The following PALS2 variants were observed in gnomAD, a reference collection of about 807,000 sequenced individuals.
PALS2 encodes protein associated with LIN7 2, MAGUK p55 family member.
PALS2 carries 27 observed loss-of-function variants against 61.6 expected under a neutral mutation model. The observed-to-expected ratio is 0.44, with a 90% CI of 0.32 to 0.60. PALS2 has a LOEUF of 0.60. PALS2 is among the 20% of genes least tolerant of loss of function. The pLI is 0.05. For missense variants in PALS2, 554 were observed against 639.4 expected, an observed-to-expected ratio of 0.87 and a Z score of 1.44; for synonymous variants, 236 against 218.6, an observed-to-expected ratio of 1.08 and a Z score of -0.70.
At chr7:24,626,439 A>T (rs1051238012) in intron 2 of PALS2, among the ~76,000 whole-genome samples, 4 of 152,168 alleles carry the variant, frequency 2.6e-5, no homozygotes, top group Non-Finnish European at 5.9e-5. Flanking sequence ...ATTTCACTTT[A>T]TTCCCCTTTG....
intron 6 of PALS2, 150 bp from the exon 7 acceptor site, chr7:24,665,438 A>G (rs988859116): frequency 1.6e-6 from 1 of 615,910 alleles, no homozygotes; most frequent in Middle Eastern, 4.2e-4. Flanking sequence ...TTGTTTAAAT[A>G]TCTTAACTGA....
chr7:24,654,791 T>C (rs1786331637), intron 5 of PALS2, among the ~76,000 whole-genome samples: 1 of 152,148 alleles, frequency 6.6e-6, no homozygotes, highest in Non-Finnish European at 1.5e-5. Context: ...ATTATTAATA[T>C]GTAGGAATTA....
rs116653188 is a variant in PALS2, at chr7:24,653,595, A to G, written c.651+2883A>G. On this transcript the variant is annotated intron_variant, in intron 5 of 11. Transcript: ENST00000222644. ...AAAAAGCCCTCACAAACCATGAAAA[A>G]CTTGCCAGATTTCAAGCACAATTGT... Among the ~76,000 whole-genome samples, 789 of 152,210 alleles carry G rather than the reference A, an allele frequency of 5.2e-3. 7 individuals are homozygous for G. The highest frequency in any genetic ancestry group is 0.017 in the African/African-American group (722 of 41,532).
At chr7:24,593,691 G>C (rs1783387211) in intron 1 of PALS2, among the ~76,000 whole-genome samples, 1 of 152,084 alleles carries the variant, frequency 6.6e-6, no homozygotes, top group Admixed American at 6.6e-5. Context: ...TATTTTGAAA[G>C]GAATCTTTTT....
chr7:24,580,015 G>C (rs1258254533), intron 1 of PALS2, among the ~76,000 whole-genome samples: 1 of 152,104 alleles, frequency 6.6e-6, no homozygotes. Context: ...TGGGGAAAAT[G>C]ATTCTCTGAG....
chr7:24,670,034 A>T (rs1425909821), intron 9 of PALS2, among the ~76,000 whole-genome samples: 2 of 152,060 alleles, frequency 1.3e-5, no homozygotes, highest in East Asian at 3.8e-4. Flanking sequence ...GTCACTTTTC[A>T]TTGTTTTTGC....
At chr7:24,658,994 C>A (rs1786573730) in intron 5 of PALS2, among the ~76,000 whole-genome samples, 1 of 152,132 alleles carries the variant, frequency 6.6e-6, no homozygotes, top group African/African-American at 2.4e-5. Flanking sequence ...TCAGTCCTCA[C>A]CCTCCTCTTA....
In PALS2 at chr7:24,691,444, T is replaced by TAC. The variant is rs1196478018; in HGVS notation, c.*3832_*3833dup. 277 of 134,344 alleles carry TAC rather than the reference T, an allele frequency of 2.1e-3. No homozygotes were observed. The highest frequency in any genetic ancestry group is 0.013 in the Middle Eastern group (3 of 240). 8.3% of individuals were successfully genotyped at this position (134,344 alleles called of 1,614,324 possible). ...ATATATATATATATATATATATATA[T>TAC]ACAGCTATGTGTATAATATGTAAAA... On this transcript the variant is annotated 3_prime_UTR_variant, in exon 12 of 12. Transcript: ENST00000222644.
At chr7:24,599,318 T>C (rs939412841) in intron 1 of PALS2, among the ~76,000 whole-genome samples, 1 of 152,176 alleles carries the variant, frequency 6.6e-6, no homozygotes, top group Non-Finnish European at 1.5e-5. Context: ...TAGGACATTA[T>C]TGTACACTAC....
chr7:24,678,683 C>CCTCAAA (rs1787754099), intron 9 of PALS2, among the ~76,000 whole-genome samples: 1 of 152,140 alleles, frequency 6.6e-6, no homozygotes, highest in South Asian at 2.1e-4. Flanking sequence ...TCACAACATG[C>CCTCAAA]CTCAAACACT....
At chr7:24,657,698 A>G (rs193011745) in intron 5 of PALS2, among the ~76,000 whole-genome samples, 3 of 152,138 alleles carry the variant, frequency 2.0e-5, no homozygotes, top group Admixed American at 1.3e-4. Context: ...GAAGTTCTGA[A>G]TTTTGATGAA....
chr7:24,601,054 T>C (rs1783704534), intron 1 of PALS2, among the ~76,000 whole-genome samples: 1 of 152,194 alleles, frequency 6.6e-6, no homozygotes, highest in African/African-American at 2.4e-5. Context: ...CATTTTTAGC[T>C]GACTGTTTTG....
Position 24,687,689 on chromosome 7 carries a change from A to C in PALS2, c.*75A>C, listed in dbSNP as rs968302622. The C allele has an allele frequency of 1.0e-4, 142 of 1,384,704 alleles. No homozygotes were observed. The highest frequency in any genetic ancestry group is 2.2e-4 in the Middle Eastern group (1 of 4,514). The allele number at this position is 1,384,704 out of a possible 1,614,324, so 85.8% of individuals were successfully genotyped here. A position where few individuals can be genotyped will look rare whatever the true frequency, so the allele number is the denominator to read the frequency against. ...AACAAATAAACCTTCTACTGAGAAA[A>C]TACATCACAGATAGAAGATTATCTG... On this transcript the variant is annotated 3_prime_UTR_variant, in exon 12 of 12. Coordinates refer to ENST00000222644, the MANE Select transcript of PALS2 (RefSeq NM_001303037.2). The surrounding 1 kb of genome is among the most constrained non-coding windows in gnomAD (Gnocchi z 4.5).
chr7:24,585,296 C>T (rs1018606545), intron 1 of PALS2, among the ~76,000 whole-genome samples: 4 of 151,624 alleles, frequency 2.6e-5, no homozygotes, highest in East Asian at 1.9e-4. Context: ...TACCTATGAG[C>T]GTGGAATGTT....
At chr7:24,584,725 G>A (rs1031793139) in intron 1 of PALS2, among the ~76,000 whole-genome samples, 3 of 152,156 alleles carry the variant, frequency 2.0e-5, no homozygotes, top group African/African-American at 7.2e-5. Flanking sequence ...TTTTAGACAT[G>A]AAGTGCTTGC....
At chr7:24,620,966 A>C (rs1784477843) in intron 1 of PALS2, among the ~76,000 whole-genome samples, 2 of 152,288 alleles carry the variant, frequency 1.3e-5, no homozygotes, top group South Asian at 4.1e-4. Flanking sequence ...AAAGCTAAAA[A>C]TAAAAACAAA....
At chr7:24,626,246 G>A (rs548390893) in intron 2 of PALS2, among the ~76,000 whole-genome samples, 1 of 151,876 alleles carries the variant, frequency 6.6e-6, no homozygotes, top group East Asian at 1.9e-4. Flanking sequence ...CAACAGAAGA[G>A]GGAATAAGTG....
chr7:24,625,867 T>TA (rs1267200554), intron 2 of PALS2, among the ~76,000 whole-genome samples: 2 of 151,970 alleles, frequency 1.3e-5, no homozygotes, highest in Non-Finnish European at 2.9e-5. Context: ...TAATATAGGT[T>TA]AAAAAAAATC....
chr7:24,665,788 A>G lies in PALS2; in HGVS notation c.883+101A>G, dbSNP rs74817340. The G allele has an allele frequency of 4.9e-5, 54 of 1,110,266 alleles. No individual in the cohort carries two copies. In the East Asian group the frequency reaches 1.3e-3, roughly 27 times the overall value. The allele number at this position is 1,110,266 out of a possible 1,614,324, so 68.8% of individuals were successfully genotyped here. A position where few individuals can be genotyped will look rare whatever the true frequency, so the allele number is the denominator to read the frequency against. ...AAATGCATTTATTTAAAATATGTCT[A>G]GAATGAATCCCTCCCTCTGCTTTCT... On this transcript the variant is annotated intron_variant, in intron 7 of 11. Coordinates refer to ENST00000222644, the MANE Select transcript of PALS2 (RefSeq NM_001303037.2).
Sources: gnomAD v4.1 joint callset for allele counts (sites outside exome capture counted in the v4.1 genomes callset) on GRCh38, gnomAD v4.1.1 for gene constraint, Gnocchi (gnomAD v3.1) non-coding constraint, MANE v1.5 for transcripts, NCBI Gene and HGNC (gene_info 2026-07-23, HGNC 2026-07-21) for gene names.